PTPRQ: variants seen among roughly 807,000 people sequenced by gnomAD.
The protein encoded by PTPRQ is protein tyrosine phosphatase receptor type Q, also known as phosphatidylinositol phosphatase PTPRQ.
In PTPRQ, 199 loss-of-function variants were observed where a neutral mutation model predicts 246.0. The observed-to-expected ratio is 0.81, with a 90% CI of 0.72 to 0.91. PTPRQ has a LOEUF of 0.91. Among genes scored for constraint, PTPRQ ranks in the 40% least tolerant of loss-of-function variants. The pLI is 0.00. For missense variants in PTPRQ, 2,624 were observed against 2,528.4 expected (o/e 1.04, Z -0.81); for synonymous variants, 869 against 853.2 (o/e 1.02, Z -0.32).
intron 29 of PTPRQ, among the ~76,000 whole-genome samples, chr12:80,614,531 T>C (rs1367478224): frequency 6.6e-6 from 1 of 150,956 alleles, no homozygotes; most frequent in African/African-American, 2.4e-5. Flanking sequence ...ATCAGGTCAT[T>C]GATAATAATT....
intron 25 of PTPRQ, among the ~76,000 whole-genome samples, chr12:80,578,699 G>C (rs925335767): frequency 6.6e-6 from 1 of 152,092 alleles, no homozygotes; most frequent in Non-Finnish European, 1.5e-5. Flanking sequence ...GGCCAAGAAT[G>C]GGAAAAATTA....
chr12:80,650,301 T>A (rs980169225), intron 37 of PTPRQ, among the ~76,000 whole-genome samples: 1 of 143,970 alleles, frequency 6.9e-6, no homozygotes, highest in Non-Finnish European at 1.5e-5. Context: ...TAAATCTACT[T>A]AAAAGTTGGG....
At chr12:80,676,316 A>G (rs1332224944) in intron 43 of PTPRQ, among the ~76,000 whole-genome samples, 1 of 152,142 alleles carries the variant, frequency 6.6e-6, no homozygotes, top group Non-Finnish European at 1.5e-5. Flanking sequence ...GCCCTTACCC[A>G]GGAGAAAGCT....
intron 26 of PTPRQ, among the ~76,000 whole-genome samples, chr12:80,600,280 A>AC (rs1565811150): frequency 6.6e-6 from 1 of 151,714 alleles, no homozygotes; most frequent in Non-Finnish European, 1.5e-5. Context: ...TTGGGGTCAC[A>AC]CACTCCCTGA....
Position 80,678,647 on chromosome 12 carries a change from A to G in PTPRQ, c.6784A>G (p.Asn2262Asp). The change falls in exon 44 of 45, where the codon AAT becomes GAT. Residue 2262 changes from asparagine to aspartate, a missense_variant. Transcript: ENST00000644991. ...CCAGTGCATTCTGGATCTCTTATCA[A>G]ATAAGGGAAGTAATCAGCCCATCTG... ...LHQCILDLLS[N>D]KGSNQPICFV... 6.4e-7 allele frequency: 1 copy of G among 1,550,582 alleles called. No homozygotes were observed. Among genetic ancestry groups the G allele is most frequent in the Non-Finnish European group, 8.7e-7 (1 of 1,146,286 alleles).
At chr12:80,493,189 G>C in intron 9 of PTPRQ, 86 bp from the exon 10 acceptor site, 1 of 1,322,972 alleles carries the variant, frequency 7.6e-7, no homozygotes, top group African/African-American at 1.5e-5. Context: ...TGATTCCAAA[G>C]TTATAGGTTT....
intron 9 of PTPRQ, among the ~76,000 whole-genome samples, chr12:80,490,373 C>G (rs1894407739): frequency 6.6e-6 from 1 of 151,932 alleles, no homozygotes; most frequent in Non-Finnish European, 1.5e-5. Flanking sequence ...CAATTACATT[C>G]ACTATAATGA....
intron 29 of PTPRQ, among the ~76,000 whole-genome samples, chr12:80,615,705 A>C (rs1015807079): frequency 6.6e-6 from 1 of 151,060 alleles, no homozygotes; most frequent in Non-Finnish European, 1.5e-5. Flanking sequence ...AAGGAATAGG[A>C]TTTCATCTTA....
Position 80,616,140 on chromosome 12 carries a change from T to C in PTPRQ, c.5164-60T>C, listed in dbSNP as rs1898749708. On this transcript the variant is annotated intron_variant, in intron 29 of 44. Coordinates refer to ENST00000644991, the MANE Select transcript of PTPRQ (RefSeq NM_001145026.2). ...ATATAGATACATGCATATATATATA[T>C]ATACACACACATACATAAGCAATCA... The C allele has an allele frequency of 4.1e-6, 5 of 1,229,980 alleles. No individual in the cohort carries two copies. The East Asian group carries it at 1.0e-4, about 25-fold the overall frequency. 76.2% of individuals were successfully genotyped at this position (1,229,980 alleles called of 1,614,324 possible).
At chr12:80,544,225 G>A (rs1315089603) in intron 23 of PTPRQ, among the ~76,000 whole-genome samples, 4 of 152,042 alleles carry the variant, frequency 2.6e-5, no homozygotes, top group East Asian at 1.9e-4. Context: ...GTGTACATTC[G>A]AAATTGAGGA....
chr12:80,496,553 T>C, intron 14 of PTPRQ, 22 bp downstream of exon 14: 1 of 1,532,780 alleles, frequency 6.5e-7, no homozygotes, highest in Non-Finnish European at 8.8e-7. Context: ...TTTTCTTTGT[T>C]TGTTTAATAA....
At chr12:80,501,139 G>A (rs1451819421) in intron 14 of PTPRQ, among the ~76,000 whole-genome samples, 1 of 151,946 alleles carries the variant, frequency 6.6e-6, no homozygotes, top group East Asian at 1.9e-4. Flanking sequence ...CTTGAACAGT[G>A]TGAGTTGGGG....
chr12:80,495,881 A>G, intron 12 of PTPRQ, 118 bp from the exon 13 acceptor site: 1 of 1,210,026 alleles, frequency 8.3e-7, no homozygotes, highest in Non-Finnish European at 1.1e-6. Context: ...ATTATTTGGA[A>G]GCGATATAGA....
intron 26 of PTPRQ, among the ~76,000 whole-genome samples, chr12:80,600,056 A>G (rs539328334): frequency 6.6e-6 from 1 of 152,006 alleles, no homozygotes; most frequent in South Asian, 2.1e-4. Context: ...CATTGTTTAC[A>G]GTGATTGTTT....
intron 8 of PTPRQ, among the ~76,000 whole-genome samples, chr12:80,472,550 C>T (rs1893673833): frequency 6.6e-6 from 1 of 152,128 alleles, no homozygotes; most frequent in Non-Finnish European, 1.5e-5. Context: ...GGTAAACAAA[C>T]ACATTTAGTA....
At chr12:80,590,666 C>CAA (rs35640802) in intron 26 of PTPRQ, among the ~76,000 whole-genome samples, 670 of 57,378 alleles carry the variant, frequency 0.012, 20 homozygotes, top group African/African-American at 0.025. Flanking sequence ...GACTCCGTCT[C>CAA]AAAAAAAAAA....
intron 25 of PTPRQ, among the ~76,000 whole-genome samples, chr12:80,572,631 G>A (rs1897177028): frequency 6.6e-6 from 1 of 152,022 alleles, no homozygotes; most frequent in Non-Finnish European, 1.5e-5. Flanking sequence ...CATTTTATAT[G>A]ATATTGGCTG....
intron 23 of PTPRQ, among the ~76,000 whole-genome samples, chr12:80,545,810 G>A (rs893833658): frequency 1.8e-4 from 27 of 148,622 alleles, no homozygotes; most frequent in Non-Finnish European, 3.6e-4. Flanking sequence ...TTACTGTTTT[G>A]CCAGTGTCTA....
intron 7 of PTPRQ, among the ~76,000 whole-genome samples, chr12:80,470,831 A>G (rs925910483): frequency 6.6e-6 from 1 of 152,200 alleles, no homozygotes; most frequent in Non-Finnish European, 1.5e-5. Flanking sequence ...AATGTAAAGG[A>G]AGTAAGCAAA....
Sources: gnomAD v4.1 joint callset for allele counts (sites outside exome capture counted in the v4.1 genomes callset) on GRCh38, gnomAD v4.1.1 for gene constraint, MANE v1.5 for transcripts, NCBI Gene and HGNC (gene_info 2026-07-23, HGNC 2026-07-21) for gene names.